Variants in NECTIN3 observed in about 807,000 individuals in gnomAD.
NECTIN3 encodes nectin-3.
In NECTIN3, 8 loss-of-function variants were observed where a neutral mutation model predicts 49.4. The ratio of observed to expected loss-of-function variants is 0.16; its 90% CI spans 0.10 to 0.29. NECTIN3 has a LOEUF of 0.29. Among genes scored for constraint, NECTIN3 ranks in the 10% least tolerant of loss-of-function variants. The pLI is 1.00. For synonymous variants in NECTIN3, 277 were observed against 241.1 expected, an observed-to-expected ratio of 1.15 and a Z score of -1.38; for missense variants, 581 against 654.6, an observed-to-expected ratio of 0.89 and a Z score of 1.23.
chr3:111,190,322 A>G (rs922415424), upstream of NECTIN3, among the ~76,000 whole-genome samples: 2 of 152,222 alleles, frequency 1.3e-5, no homozygotes, highest in Non-Finnish European at 2.9e-5. Context: ...TAACCTTGAC[A>G]TATGACATCA....
At chr3:111,176,264 T>A (rs2035526646) in intron 7 of NECTIN3, among the ~76,000 whole-genome samples, 1 of 152,238 alleles carries the variant, frequency 6.6e-6, no homozygotes. Flanking sequence ...AATCCTTGAC[T>A]CATTTTATTA....
chr3:111,134,497 C>A lies in NECTIN3; in HGVS notation c.*282C>A. ...GCACACAGGTAAGAAGAAATGTCAACATTAAATGTATGACTTACTTGGTAC... is the reference window on the plus strand; with the variant it reads ...GCACACAGGTAAGAAGAAATGTCAAAATTAAATGTATGACTTACTTGGTAC... On this transcript the variant is annotated 3_prime_UTR_variant, in exon 6 of 6. Coordinates refer to ENST00000485303, the MANE Select transcript of NECTIN3 (RefSeq NM_015480.3). 9.5e-7 allele frequency: 1 copy of A among 1,048,374 alleles called. No individual in the cohort carries two copies. Among genetic ancestry groups the A allele is most frequent in the Non-Finnish European group, 1.2e-6 (1 of 867,054 alleles). The allele number at this position is 1,048,374 out of a possible 1,614,324, so 64.9% of individuals were successfully genotyped here. A position where few individuals can be genotyped will look rare whatever the true frequency, so the allele number is the denominator to read the frequency against.
At chr3:111,130,046 C>T (rs1215045186) in intron 5 of NECTIN3, among the ~76,000 whole-genome samples, 1 of 150,720 alleles carries the variant, frequency 6.6e-6, no homozygotes, top group Non-Finnish European at 1.5e-5. Context: ...GGCTCCGCCT[C>T]CCGGGTTCAC....
intron 7 of NECTIN3, among the ~76,000 whole-genome samples, chr3:111,171,616 G>A (rs921830754): frequency 5.3e-5 from 8 of 151,748 alleles, no homozygotes; most frequent in African/African-American, 1.7e-4. Flanking sequence ...CATCTTTGTG[G>A]GACAAAGCTC....
chr3:111,173,805 C>CT (rs35136391), intron 7 of NECTIN3, among the ~76,000 whole-genome samples: 22 of 151,360 alleles, frequency 1.5e-4, no homozygotes, highest in East Asian at 7.7e-4. Flanking sequence ...TATTCCTTCT[C>CT]TTTTTTTTTG....
chr3:111,147,551 T>C, intron 7 of NECTIN3: 1 of 1,315,606 alleles, frequency 7.6e-7, no homozygotes, highest in Non-Finnish European at 1.0e-6. Flanking sequence ...GCCATTTGTA[T>C]TATTTCTTTC....
intron 6 of NECTIN3, among the ~76,000 whole-genome samples, chr3:111,146,789 A>C (rs1159691996): frequency 6.6e-6 from 1 of 152,212 alleles, no homozygotes; most frequent in East Asian, 1.9e-4. Flanking sequence ...AAGGTATATT[A>C]AAACTATCTT....
In NECTIN3 at chr3:111,072,046, T is replaced by A; in HGVS notation, c.29T>A (p.Leu10Gln). Residue 10 changes from leucine to glutamine, a missense_variant, in exon 1 of 6, where the codon CTG becomes CAG. Coordinates refer to ENST00000485303, the MANE Select transcript of NECTIN3 (RefSeq NM_015480.3). MARTLRPSPLCPGGGKAQLS... is the reference protein window; with the variant it reads MARTLRPSPQCPGGGKAQLS... ...GCGCGGACCCTGCGGCCGTCCCCGC[T>A]GTGTCCTGGAGGCGGCAAAGCACAA... The A allele has an allele frequency of 6.5e-7, 1 of 1,542,088 alleles. No individual in the cohort carries two copies. The highest frequency in any genetic ancestry group is 8.7e-7 in the Non-Finnish European group (1 of 1,143,252).
chr3:111,155,567 T>C (rs992894287), intron 7 of NECTIN3, among the ~76,000 whole-genome samples: 2 of 152,224 alleles, frequency 1.3e-5, no homozygotes, highest in Admixed American at 6.5e-5. Flanking sequence ...TATAAATGTT[T>C]AGAACAAAGC....
intron 1 of NECTIN3, among the ~76,000 whole-genome samples, chr3:111,104,478 G>A (rs976889083): frequency 2.0e-5 from 3 of 151,670 alleles, no homozygotes; most frequent in Admixed American, 1.3e-4. Context: ...ACACCAACAC[G>A]TCTGGCTAAT....
rs959951696 is a variant in NECTIN3, at chr3:111,071,926, G to A, written c.-92G>A. 2.2e-6 allele frequency: 2 copies of A among 900,122 alleles called. No homozygotes were observed. Among genetic ancestry groups the A allele is most frequent in the Admixed American group, 8.7e-5 (2 of 23,082 alleles). The allele number at this position is 900,122 out of a possible 1,614,324, so 55.8% of individuals were successfully genotyped here. The stretch of plus-strand genomic sequence containing the variant: ...GCTGGGAGCTGGGGACGCGCGCGCC[G>A]GACCTTCCACAGCCTCCGCCCAGAG... On this transcript the variant is annotated 5_prime_UTR_variant, in exon 1 of 6. Coordinates refer to ENST00000485303, the MANE Select transcript of NECTIN3 (RefSeq NM_015480.3).
At chr3:111,099,240 C>T (rs888180658) in intron 1 of NECTIN3, among the ~76,000 whole-genome samples, 1 of 152,152 alleles carries the variant, frequency 6.6e-6, no homozygotes. Context: ...TCTTACTCTA[C>T]ACACTTCTCT....
chr3:111,179,710 C>T (rs147200467), intron 7 of NECTIN3, among the ~76,000 whole-genome samples: 2,958 of 151,996 alleles, frequency 0.019, 40 homozygotes, highest in Non-Finnish European at 0.022. Context: ...CTGGCTAACA[C>T]GGTGAAACCC....
chr3:111,076,803 C>G (rs181853462), intron 1 of NECTIN3, among the ~76,000 whole-genome samples: 4 of 151,840 alleles, frequency 2.6e-5, no homozygotes, highest in African/African-American at 9.7e-5. Flanking sequence ...GGCGAAACCC[C>G]GTCTTTACCA....
chr3:111,071,946 C>G lies in NECTIN3; in HGVS notation c.-72C>G. 2 of 1,185,966 alleles carry G rather than the reference C, an allele frequency of 1.7e-6. No individual in the cohort carries two copies. The highest frequency in any genetic ancestry group is 2.2e-6 in the Non-Finnish European group (2 of 903,728). 73.5% of individuals were successfully genotyped at this position (1,185,966 alleles called of 1,614,324 possible). A position where few individuals can be genotyped will look rare whatever the true frequency, so the allele number is the denominator to read the frequency against. Reference sequence around the variant, plus strand: ...GCGCCGGACCTTCCACAGCCTCCGCCCAGAGCCTGAGGCGCCGGGGCCGGG... The same window carrying G: ...GCGCCGGACCTTCCACAGCCTCCGCGCAGAGCCTGAGGCGCCGGGGCCGGG... On this transcript the variant is annotated 5_prime_UTR_variant, in exon 1 of 6. Transcript: ENST00000485303.
At chr3:111,076,299 C>A (rs1040306979) in intron 1 of NECTIN3, among the ~76,000 whole-genome samples, 1 of 152,084 alleles carries the variant, frequency 6.6e-6, no homozygotes, top group Non-Finnish European at 1.5e-5. Context: ...CATTCTGTAA[C>A]TTAACCCTTA....
chr3:111,102,527 C>T (rs2032963252), intron 1 of NECTIN3, among the ~76,000 whole-genome samples: 1 of 152,240 alleles, frequency 6.6e-6, no homozygotes, highest in African/African-American at 2.4e-5. Context: ...TTCTTCACGC[C>T]TCCACTCAGG....
chr3:111,097,128 A>G (rs2032633109), intron 1 of NECTIN3, among the ~76,000 whole-genome samples: 1 of 152,210 alleles, frequency 6.6e-6, no homozygotes, highest in South Asian at 2.1e-4. Context: ...TCCCAAGACC[A>G]TGGGAACCCA....
intron 7 of NECTIN3, among the ~76,000 whole-genome samples, chr3:111,163,694 A>G (rs1054336844): frequency 1.9e-4 from 29 of 152,220 alleles, no homozygotes; most frequent in African/African-American, 6.5e-4. Context: ...TAAAATTTTA[A>G]TGCTAATAGG....
Sources: allele counts gnomAD v4.1 joint callset (sites outside exome capture counted in the v4.1 genomes callset), GRCh38; gene constraint gnomAD v4.1.1; transcripts MANE v1.5; gene names NCBI Gene and HGNC (gene_info 2026-07-23, HGNC 2026-07-21).